The following PDE7B variants were observed in gnomAD, a reference collection of about 807,000 sequenced individuals.
PDE7B encodes 3',5'-cyclic-AMP phosphodiesterase 7B.
PDE7B carries 29 observed loss-of-function variants against 56.2 expected under a neutral mutation model. The observed-to-expected ratio is 0.52, with a 90% confidence interval of 0.38 to 0.70. The LOEUF (loss-of-function observed/expected upper bound fraction) is 0.70, where lower values mean the gene tolerates loss of function less well. Among genes scored for constraint, PDE7B ranks in the 30% least tolerant of loss-of-function variants. PDE7B has a pLI of 0.00. For missense variants in PDE7B, 490 were observed against 565.0 expected (o/e 0.87, Z 1.35); for synonymous variants, 197 against 196.9 (o/e 1.00, Z 0.00).
intron 5 of PDE7B, among the ~76,000 whole-genome samples, chr6:136,150,786 A>AT: frequency 6.6e-6 from 1 of 152,268 alleles, no homozygotes; most frequent in Middle Eastern, 3.4e-3. Flanking sequence ...GGAATAGTCA[A>AT]TTGGAAGTGA....
chr6:135,864,592 C>T (rs1775215687), intron 1 of PDE7B, among the ~76,000 whole-genome samples: 1 of 151,788 alleles, frequency 6.6e-6, no homozygotes, highest in Non-Finnish European at 1.5e-5. Context: ...TGTCCATTTC[C>T]TCTGTTTGTA....
intron 2 of PDE7B, among the ~76,000 whole-genome samples, chr6:135,999,985 G>A (rs1775636486): frequency 6.6e-6 from 1 of 152,076 alleles, no homozygotes; most frequent in Non-Finnish European, 1.5e-5. Context: ...ATCACATTGT[G>A]GCTTTGATTT....
intron 2 of PDE7B, among the ~76,000 whole-genome samples, chr6:136,009,338 G>A (rs1775847216): frequency 6.6e-6 from 1 of 152,084 alleles, no homozygotes; most frequent in Admixed American, 6.6e-5. Context: ...GGTTCCATAT[G>A]AACTTTAAAG....
chr6:135,945,914 CA>C (rs1774589094), intron 1 of PDE7B, among the ~76,000 whole-genome samples: 1 of 151,962 alleles, frequency 6.6e-6, no homozygotes, highest in Admixed American at 6.6e-5. Flanking sequence ...ATTCTTATTT[CA>C]AAATATTTGA....
chr6:135,986,835 A>G (rs1194768367), intron 2 of PDE7B, among the ~76,000 whole-genome samples: 1 of 152,256 alleles, frequency 6.6e-6, no homozygotes, highest in African/African-American at 2.4e-5. Context: ...GATGAAATGG[A>G]TCACAATGTT....
intron 8 of PDE7B, among the ~76,000 whole-genome samples, chr6:136,165,279 G>A (rs554478081): frequency 5.9e-5 from 9 of 152,054 alleles, no homozygotes; most frequent in Non-Finnish European, 8.8e-5. Context: ...AGATAAGGTC[G>A]TGTGTGTGTG....
At chr6:135,879,680 A>G (rs575335575) in intron 1 of PDE7B, among the ~76,000 whole-genome samples, 3 of 152,332 alleles carry the variant, frequency 2.0e-5, no homozygotes, top group East Asian at 3.9e-4. Context: ...TTAAGGAAAT[A>G]CAGTTGGAGA....
chr6:135,874,340 A>G (rs1463511263), intron 1 of PDE7B, among the ~76,000 whole-genome samples: 2 of 152,080 alleles, frequency 1.3e-5, no homozygotes, highest in Admixed American at 6.6e-5. Context: ...TTTTCTTCTT[A>G]CTTTCTTTCT....
intron 2 of PDE7B, among the ~76,000 whole-genome samples, chr6:135,986,032 G>A (rs770040376): frequency 3.3e-5 from 5 of 152,160 alleles, no homozygotes; most frequent in Admixed American, 6.5e-5. Context: ...GGTTCAGCCT[G>A]TGTTTTATAG....
At chr6:136,058,505 A>G (rs1029789379) in intron 2 of PDE7B, among the ~76,000 whole-genome samples, 2 of 152,228 alleles carry the variant, frequency 1.3e-5, no homozygotes, top group Admixed American at 6.5e-5. Flanking sequence ...GGGAATTAAG[A>G]AAAAAGAATA....
intron 2 of PDE7B, among the ~76,000 whole-genome samples, chr6:136,088,648 TGCTTAGG>T (rs1335935771): frequency 6.6e-6 from 1 of 152,080 alleles, no homozygotes; most frequent in Non-Finnish European, 1.5e-5. Context: ...GAATAGCAGT[TGCTTAGG>T]GCTTAGGACT....
At chr6:135,935,845 A>C (rs985774168) in intron 1 of PDE7B, among the ~76,000 whole-genome samples, 8 of 152,350 alleles carry the variant, frequency 5.3e-5, no homozygotes, top group African/African-American at 1.9e-4. Context: ...GTAGAATTTA[A>C]GGAAATTTCC....
intron 1 of PDE7B, among the ~76,000 whole-genome samples, chr6:135,881,129 T>G (rs1212312410): frequency 6.6e-6 from 1 of 152,068 alleles, no homozygotes; most frequent in Non-Finnish European, 1.5e-5. Flanking sequence ...GCAAGTGCCC[T>G]ATGCTGTTGT....
intron 2 of PDE7B, among the ~76,000 whole-genome samples, chr6:135,971,174 T>A (rs567006462): frequency 6.6e-6 from 1 of 152,254 alleles, no homozygotes; most frequent in South Asian, 2.1e-4. Context: ...CTGATATCCT[T>A]ATAAACAGGG....
chr6:135,933,740 AT>A (rs1209049615), intron 1 of PDE7B, among the ~76,000 whole-genome samples: 7 of 152,182 alleles, frequency 4.6e-5, no homozygotes, highest in Admixed American at 3.9e-4. Context: ...TCATATTGCA[AT>A]GTCAGTTTCA....
intron 2 of PDE7B, among the ~76,000 whole-genome samples, chr6:135,972,233 C>CAAAAAAAAAAAA (rs72005772): frequency 3.1e-5 from 2 of 65,168 alleles, no homozygotes; most frequent in African/African-American, 6.0e-5. Flanking sequence ...AAACTGTTCT[C>CAAAAAAAAAAAA]AAAAAAAAAA....
intron 1 of PDE7B, among the ~76,000 whole-genome samples, chr6:135,883,342 G>A (rs1775644431): frequency 6.6e-6 from 1 of 152,152 alleles, no homozygotes; most frequent in Non-Finnish European, 1.5e-5. Flanking sequence ...ATTTGCTTAT[G>A]TTTTCTGCTG....
At chr6:135,866,992 G>T (rs941649852) in intron 1 of PDE7B, among the ~76,000 whole-genome samples, 13 of 152,164 alleles carry the variant, frequency 8.5e-5, no homozygotes, top group African/African-American at 2.9e-4. Flanking sequence ...TTGGGTGCTT[G>T]TGTTTTCCTA....
intron 1 of PDE7B, among the ~76,000 whole-genome samples, chr6:135,907,382 C>G (rs1004704347): frequency 6.6e-5 from 10 of 152,182 alleles, no homozygotes; most frequent in East Asian, 1.9e-4. Context: ...CCCTGGCACC[C>G]CAAAGAATTA....
Sources: gnomAD v4.1 joint callset for allele counts (sites outside exome capture counted in the v4.1 genomes callset) on GRCh38, gnomAD v4.1.1 for gene constraint, MANE v1.5 for transcripts, NCBI Gene and HGNC (gene_info 2026-07-23, HGNC 2026-07-21) for gene names.